RELN: variants seen among roughly 807,000 people sequenced by gnomAD.
RELN encodes reelin.
RELN carries 108 observed loss-of-function variants against 427.6 expected under a neutral mutation model. The ratio of observed to expected loss-of-function variants is 0.25; its 90% CI spans 0.22 to 0.30. The LOEUF (loss-of-function observed/expected upper bound fraction) is 0.30. Among genes scored for constraint, RELN ranks in the 10% least tolerant of loss-of-function variants. The pLI is 1.00. For synonymous variants in RELN, 1,524 were observed against 1,513.4 expected (o/e 1.01, Z -0.16); for missense variants, 3,715 against 4,302.8 (o/e 0.86, Z 3.82).
chr7:103,584,037 T>C (rs1831214464), intron 28 of RELN, among the ~76,000 whole-genome samples: 1 of 152,094 alleles, frequency 6.6e-6, no homozygotes, highest in Non-Finnish European at 1.5e-5. Context: ...AGCCCCCATA[T>C]CTCCACATCC....
intron 4 of RELN, among the ~76,000 whole-genome samples, chr7:103,760,134 C>A (rs183178077): frequency 6.6e-6 from 1 of 150,420 alleles, no homozygotes. Flanking sequence ...ACTATTGGGC[C>A]TTTCAAAATA....
Position 103,650,316 on chromosome 7 carries a change from G to A in RELN, c.1960C>T (p.Gln654Ter). 6.2e-7 allele frequency: 1 copy of A among 1,612,786 alleles called. No homozygotes were observed. The highest frequency in any genetic ancestry group is 8.5e-7 in the Non-Finnish European group (1 of 1,179,092). ...ATGTTTCCAAGGATTGGTCCTGTTT[G>A]TCTCCAGCGAATCCTGGTGTTCCGG... is the stretch of plus-strand genomic sequence containing the variant. ...LTRNTRIRWRQTGPILGNMWA... is the reference protein window; with the variant it reads ...LTRNTRIRWR Residue 654 changes from glutamine to a stop codon, truncating the protein, a stop_gained, in exon 16 of 65, where the codon CAA (glutamine) becomes TAA (stop). Transcript: ENST00000428762. LOFTEE classifies it high-confidence loss of function.
chr7:103,782,723 T>C (rs891697272), intron 3 of RELN, among the ~76,000 whole-genome samples: 1 of 152,220 alleles, frequency 6.6e-6, no homozygotes, highest in Non-Finnish European at 1.5e-5. Context: ...AATACAAAAG[T>C]ATTTTAATAT....
At chr7:103,808,414 T>A (rs1354476958) in intron 3 of RELN, among the ~76,000 whole-genome samples, 6 of 151,444 alleles carry the variant, frequency 4.0e-5, no homozygotes. Flanking sequence ...AGTATAATAA[T>A]AGAAAACAAA....
intron 1 of RELN, among the ~76,000 whole-genome samples, chr7:103,976,638 CAAG>C (rs1796885150): frequency 6.6e-6 from 1 of 152,160 alleles, no homozygotes; most frequent in Admixed American, 6.5e-5. Flanking sequence ...GGAGGGGAAA[CAAG>C]AAGCTCCAGT....
At chr7:103,902,085 T>G (rs938913154) in intron 2 of RELN, among the ~76,000 whole-genome samples, 2 of 152,010 alleles carry the variant, frequency 1.3e-5, no homozygotes, top group Non-Finnish European at 2.9e-5. Flanking sequence ...TTCTAAGATA[T>G]GGCTGACATC....
intron 2 of RELN, among the ~76,000 whole-genome samples, chr7:103,889,140 G>A (rs1395216347): frequency 2.0e-5 from 3 of 152,206 alleles, no homozygotes; most frequent in Non-Finnish European, 4.4e-5. Context: ...CAGAGAGACC[G>A]TTTATACCAT....
In RELN at chr7:103,937,551, T is replaced by C. The variant is rs77126405; in HGVS notation, c.227-20366A>G. On this transcript the variant is annotated intron_variant, in intron 1 of 64. Transcript: ENST00000428762. Reference sequence around the variant, plus strand: ...GTCTCTTCTAACTGTAAAAACCATGTATGTCTTTATTTTATGAGAAACATT... The same window carrying C: ...GTCTCTTCTAACTGTAAAAACCATGCATGTCTTTATTTTATGAGAAACATT... 1.5e-3 allele frequency among the ~76,000 whole-genome samples: 231 copies of C among 152,376 alleles called. 1 individual carries two copies. Among genetic ancestry groups the C allele is most frequent in the African/African-American group, 5.3e-3 (222 of 41,600 alleles).
Position 103,841,938 on chromosome 7 carries a change from G to A in RELN, c.338-8266C>T, listed in dbSNP as rs113200215. Among the ~76,000 whole-genome samples the A allele has an allele frequency of 1.7e-3, 252 of 152,158 alleles. 1 individual carries two copies. The highest frequency in any genetic ancestry group is 5.9e-3 in the African/African-American group (244 of 41,538). ...ACAAGCCTTGGTCTATTTTTCATGG[G>A]TTTCAAGAACTAAGACATCTGTGGA... is the stretch of plus-strand genomic sequence containing the variant. On this transcript the variant is annotated intron_variant, in intron 2 of 64. Transcript: ENST00000428762.
chr7:103,762,656 GC>G (rs1791332143), intron 4 of RELN, among the ~76,000 whole-genome samples: 1 of 152,164 alleles, frequency 6.6e-6, no homozygotes, highest in African/African-American at 2.4e-5. Flanking sequence ...ACATCAGCAA[GC>G]CAATATTACT....
At chr7:103,717,488 A>G (rs1345032279) in intron 8 of RELN, among the ~76,000 whole-genome samples, 1 of 151,168 alleles carries the variant, frequency 6.6e-6, no homozygotes, top group African/African-American at 2.4e-5. Context: ...AACAAAAAAA[A>G]AAATTTGTTT....
At chr7:103,624,046 A>G (rs917081293) in intron 20 of RELN, among the ~76,000 whole-genome samples, 26 of 152,098 alleles carry the variant, frequency 1.7e-4, no homozygotes, top group African/African-American at 6.3e-4. Flanking sequence ...CCACAGTACT[A>G]TTTTCTAGCT....
intron 1 of RELN, among the ~76,000 whole-genome samples, chr7:103,927,719 G>T (rs1795776481): frequency 6.6e-6 from 1 of 152,116 alleles, no homozygotes; most frequent in African/African-American, 2.4e-5. Context: ...TAAAATAACA[G>T]AATATCTTTG....
Position 103,489,843 on chromosome 7 carries a change from G to T in RELN, c.9662C>A (p.Ala3221Glu). ...KGEETEKQSW[A>E]IDHVYIGEAC... The stretch of plus-strand genomic sequence containing the variant: ...CTCTCCAATGTACACGTGGTCAATT[G>T]CCCAGCTTTGCTTCTCAGTTTCTTC... The change falls in exon 60 of 65, where the codon GCA (alanine) becomes GAA (glutamate). Residue 3221 changes from alanine (A) to glutamate (E), a missense_variant. By Grantham distance (107) the Ala-to-Glu change is moderately radical. Transcript: ENST00000428762. 1 of 1,614,162 alleles carries T rather than the reference G, an allele frequency of 6.2e-7. No individual in the cohort carries two copies. Among genetic ancestry groups the T allele is most frequent in the South Asian group, 1.1e-5 (1 of 91,074 alleles).
intron 11 of RELN, among the ~76,000 whole-genome samples, chr7:103,673,400 C>G (rs1431818914): frequency 6.6e-6 from 1 of 152,100 alleles, no homozygotes; most frequent in South Asian, 2.1e-4. Context: ...TATTTTATTT[C>G]CTTTTTCTGT....
In RELN at chr7:103,953,398, G is replaced by T. The variant is rs111931432; in HGVS notation, c.226+35733C>A. ...GAAGACTCAAGACAACTCAGATAAC[G>T]TGATTCAATCACTTGTAACATTCAG... On this transcript the variant is annotated intron_variant, in intron 1 of 64. Coordinates refer to ENST00000428762, the MANE Select transcript of RELN (RefSeq NM_005045.4). This position sits in a 1 kb window ranked among gnomAD's most constrained non-coding sequence, Gnocchi z 4.3. Among the ~76,000 whole-genome samples the T allele has an allele frequency of 6.6e-6, 1 of 152,150 alleles. No homozygotes were observed. Among genetic ancestry groups the T allele is most frequent in the Non-Finnish European group, 1.5e-5 (1 of 68,028 alleles).
chr7:103,551,934 TGTGG>T (rs757028857), intron 40 of RELN, among the ~76,000 whole-genome samples: 2,857 of 146,934 alleles, frequency 0.019, 66 homozygotes, highest in Admixed American at 0.064. Flanking sequence ...TGTGTGTGTG[TGTGG>T]GTGTGTGTGT....
intron 8 of RELN, among the ~76,000 whole-genome samples, chr7:103,709,705 T>C (rs894524396): frequency 3.3e-5 from 5 of 152,212 alleles, no homozygotes; most frequent in African/African-American, 9.6e-5. Context: ...CAGTAAAAGT[T>C]GTTTGTCAGT....
At chr7:103,575,520 A>G in intron 29 of RELN, 28 bp downstream of exon 29, 1 of 1,609,540 alleles carries the variant, frequency 6.2e-7, no homozygotes, top group South Asian at 1.1e-5. Context: ...TTACAATAAA[A>G]CCCTCAGACA....
Sources: gnomAD v4.1 joint callset for allele counts (sites outside exome capture counted in the v4.1 genomes callset) on GRCh38, gnomAD v4.1.1 for gene constraint, Gnocchi (gnomAD v3.1) non-coding constraint, MANE v1.5 for transcripts, NCBI Gene and HGNC (gene_info 2026-07-23, HGNC 2026-07-21) for gene names.